Variants in SPATA6 observed in about 807,000 individuals in gnomAD.
SPATA6 encodes the protein spermatogenesis-associated protein 6.
Under a neutral mutation model 65.3 loss-of-function variants are expected in SPATA6, and 56 were observed. The ratio of observed to expected loss-of-function variants is 0.86; its 90% CI spans 0.69 to 1.07. SPATA6 has a LOEUF of 1.07. SPATA6 is among the 50% of genes least tolerant of loss of function. The pLI is 0.00. For missense variants in SPATA6, 590 were observed against 594.8 expected (o/e 0.99, Z 0.08); for synonymous variants, 199 against 213.2 (o/e 0.93, Z 0.58).
intron 9 of SPATA6, among the ~76,000 whole-genome samples, chr1:48,377,167 T>C (rs534928262): frequency 2.0e-5 from 3 of 152,316 alleles, no homozygotes; most frequent in East Asian, 3.9e-4. Context: ...TCTCAGTCCA[T>C]TCATTTTCCA....
the SPATA6 span, among the ~76,000 whole-genome samples, chr1:48,286,778 GT>G: frequency 6.6e-6 from 1 of 152,084 alleles, no homozygotes; most frequent in Non-Finnish European, 1.5e-5. Context: ...GCTCACATCT[GT>G]AATCCCAGCA....
intron 6 of SPATA6, among the ~76,000 whole-genome samples, chr1:48,401,160 C>T (rs1052821872): frequency 3.3e-5 from 5 of 151,926 alleles, no homozygotes; most frequent in African/African-American, 1.2e-4. Flanking sequence ...CTGTTACTTG[C>T]CCTTCTCATC....
the SPATA6 span, among the ~76,000 whole-genome samples, chr1:48,277,673 T>C: frequency 2.0e-5 from 3 of 152,160 alleles, no homozygotes; most frequent in Non-Finnish European, 4.4e-5. Context: ...ACAAAGCAGC[T>C]GGGAAGCTCG....
intron 1 of SPATA6, among the ~76,000 whole-genome samples, chr1:48,461,857 G>T (rs1657455043): frequency 6.6e-6 from 1 of 152,142 alleles, no homozygotes; most frequent in Admixed American, 6.5e-5. Flanking sequence ...TATACCCAAA[G>T]GACTATAAAC....
chr1:48,400,089 C>G (rs1651019181), intron 6 of SPATA6, among the ~76,000 whole-genome samples: 1 of 151,742 alleles, frequency 6.6e-6, no homozygotes, highest in Admixed American at 6.6e-5. Flanking sequence ...AAAGATAAAA[C>G]TATAAAAATA....
At chr1:48,338,066 C>G (rs563308975) in intron 11 of SPATA6, among the ~76,000 whole-genome samples, 2 of 151,806 alleles carry the variant, frequency 1.3e-5, no homozygotes, top group African/African-American at 4.8e-5. Flanking sequence ...TAAAGAGTTA[C>G]TACAAACCTA....
the SPATA6 span, among the ~76,000 whole-genome samples, chr1:48,279,952 T>C: frequency 6.6e-6 from 1 of 152,070 alleles, no homozygotes. Flanking sequence ...CCTCAGCAAA[T>C]GTAAAAGAAC....
intron 6 of SPATA6, 100 bp downstream of exon 6, chr1:48,403,702 G>A (rs1651404693): frequency 1.1e-6 from 1 of 913,178 alleles, no homozygotes; most frequent in Non-Finnish European, 1.6e-6. Flanking sequence ...CCCCCAAAAA[G>A]TGAAAAGAGC....
chr1:48,425,185 A>C, intron 3 of SPATA6, among the ~76,000 whole-genome samples: 1 of 152,146 alleles, frequency 6.6e-6, no homozygotes, highest in Non-Finnish European at 1.5e-5. Context: ...AGAGATAGGG[A>C]ACTAGTTTCA....
intron 3 of SPATA6, among the ~76,000 whole-genome samples, chr1:48,418,457 C>T (rs1254157378): frequency 6.9e-6 from 1 of 145,648 alleles, no homozygotes; most frequent in Non-Finnish European, 1.5e-5. Context: ...CCTATAATCC[C>T]AGCACTTTGG....
intron 11 of SPATA6, among the ~76,000 whole-genome samples, chr1:48,349,740 T>A (rs1646466722): frequency 6.6e-6 from 1 of 151,938 alleles, no homozygotes; most frequent in Non-Finnish European, 1.5e-5. Context: ...GCTTTGGGGA[T>A]CTGGCTTCTT....
chr1:48,271,009 CA>C, the SPATA6 span, among the ~76,000 whole-genome samples: 1 of 152,102 alleles, frequency 6.6e-6, no homozygotes, highest in Admixed American at 6.5e-5. Context: ...GAGAATTATT[CA>C]ATCTTTGAGT....
intron 3 of SPATA6, among the ~76,000 whole-genome samples, chr1:48,449,312 C>T (rs1371218792): frequency 6.6e-6 from 1 of 152,134 alleles, no homozygotes; most frequent in East Asian, 1.9e-4. Context: ...GCTGATGCTG[C>T]CTGGAGCCAA....
At chr1:48,421,238 A>T (rs1653301634) in intron 3 of SPATA6, among the ~76,000 whole-genome samples, 1 of 152,190 alleles carries the variant, frequency 6.6e-6, no homozygotes, top group Admixed American at 6.5e-5. Flanking sequence ...TTGAGGTGCT[A>T]GATATGCCAA....
chr1:48,292,790 G>A (rs1390753535), downstream of SPATA6, among the ~76,000 whole-genome samples: 1 of 152,264 alleles, frequency 6.6e-6, no homozygotes, highest in Non-Finnish European at 1.5e-5. Context: ...ACATGCCCAT[G>A]AGAATTGGTC....
At position 48,299,516 on chromosome 1, in the gene SPATA6, G is replaced by GAAAAAAA. The variant is rs58072004; in HGVS notation, c.1287-630_1287-624dup. On this transcript the variant is annotated intron_variant, in intron 12 of 12. Transcript: ENST00000371847. The stretch of plus-strand genomic sequence containing the variant: ...ACAACAAGAGCAAAACTCCGTCTCG[G>GAAAAAAA]AAAAAAAAAAAAAAAAAAAAAGAAT... 2.6e-3 allele frequency among the ~76,000 whole-genome samples: 99 copies of GAAAAAAA among 38,196 alleles called. 21 individuals are homozygous for GAAAAAAA. The highest frequency in any genetic ancestry group is 0.013 in the East Asian group (14 of 1,088). The allele number at this position is 38,196 out of a possible 152,430, so 25.1% of individuals were successfully genotyped here.
chr1:48,329,674 G>C (rs538157679), intron 11 of SPATA6, among the ~76,000 whole-genome samples: 3 of 152,204 alleles, frequency 2.0e-5, no homozygotes, highest in Non-Finnish European at 4.4e-5. Flanking sequence ...CACAGATGCT[G>C]CAGGCCGCTC....
the SPATA6 span, among the ~76,000 whole-genome samples, chr1:48,269,492 A>T: frequency 9.2e-5 from 14 of 152,166 alleles, no homozygotes; most frequent in Non-Finnish European, 1.5e-4. Context: ...TATTTTTCAA[A>T]CTACAAATAC....
intron 1 of SPATA6, among the ~76,000 whole-genome samples, chr1:48,459,204 C>CAAAAAAAAAAAAAAAAAAAAAA (rs35079974): frequency 1.5e-5 from 1 of 66,394 alleles, no homozygotes; most frequent in Non-Finnish European, 2.9e-5. Flanking sequence ...GACTCCATAT[C>CAAAAAAAAAAAAAAAAAAAAAA]AAAAAAAAAA....
Sources: allele counts gnomAD v4.1 joint callset (sites outside exome capture counted in the v4.1 genomes callset), GRCh38; gene constraint gnomAD v4.1.1; transcripts MANE v1.5; gene names NCBI Gene and HGNC (gene_info 2026-07-23, HGNC 2026-07-21).